Variants in DMTN observed in about 807,000 individuals in gnomAD.
The protein encoded by DMTN is dematin actin binding protein.
A neutral mutation model predicts 59.4 loss-of-function variants in DMTN; 27 were observed. The ratio of observed to expected loss-of-function variants is 0.45; its 90% CI spans 0.33 to 0.63. The LOEUF (loss-of-function observed/expected upper bound fraction) is 0.63. Ranked by LOEUF, DMTN falls within the 20% of genes least tolerant of loss-of-function variation. The probability of loss-of-function intolerance (pLI) is 0.02; values close to 1 mark genes in which losing one functional copy is unlikely to be tolerated. For synonymous variants in DMTN, 221 were observed against 203.7 expected (o/e 1.08, Z -0.72); for missense variants, 451 against 528.9 (o/e 0.85, Z 1.45).
rs540139056 is a variant in DMTN at position 22,069,346 on chromosome 8, T to C, written c.295-73T>C. 1.5e-4 allele frequency: 186 copies of C among 1,279,746 alleles called. 2 individuals carry two copies. In the East Asian group the frequency reaches 4.4e-3, roughly 30 times the overall value. The allele number at this position is 1,279,746 out of a possible 1,614,324, so 79.3% of individuals were successfully genotyped here. A position where few individuals can be genotyped will look rare whatever the true frequency, so the allele number is the denominator to read the frequency against. ...CAGGATGGGAGGACAGAGAGGGTGG[T>C]GTGAGCTGATGGGGTGCATGTGTGG... On this transcript the variant is annotated intron_variant, in intron 5 of 15. Transcript: ENST00000358242.
rs779628597 is a variant in DMTN, at chr8:22,080,813, G to C, written c.966G>C (p.Glu322Asp). ...GGCTTTGGTCTCCCCAGAACGGAGA[G>C]GGCCAGAGGGGGAGGATGGACCGGG... Reference protein sequence around the residue: ...ETGSPGLQNGEGQRGRMDRGN... With the variant: ...ETGSPGLQNGDGQRGRMDRGN... Residue 322 changes from glutamate (E) to aspartate (D), a missense_variant, in exon 14 of 16, where the codon GAG (glutamate) becomes GAC (aspartate). Coordinates refer to ENST00000358242, the MANE Select transcript of DMTN (RefSeq NM_001387751.1). The C allele has an allele frequency of 6.2e-7, 1 of 1,603,530 alleles. No individual in the cohort carries two copies. Among genetic ancestry groups the C allele is most frequent in the South Asian group, 1.1e-5 (1 of 90,064 alleles).
In DMTN at chr8:22,081,673, GC is replaced by G; in HGVS notation, c.*213del. Reference sequence around the variant, plus strand: ...TGGGGGCCTCCTGCTCTCGTCCCTGGCCCTCCCTGCACAGGGCAAAGCCAGT... The same window carrying G: ...TGGGGGCCTCCTGCTCTCGTCCCTGGCCTCCCTGCACAGGGCAAAGCCAGT... On this transcript the variant is annotated 3_prime_UTR_variant, in exon 16 of 16. Coordinates refer to ENST00000358242, the MANE Select transcript of DMTN (RefSeq NM_001387751.1). 1.7e-6 allele frequency: 1 copy of G among 600,194 alleles called. No homozygotes were observed. Among genetic ancestry groups the G allele is most frequent in the Non-Finnish European group, 3.0e-6 (1 of 334,924 alleles). The allele number at this position is 600,194 out of a possible 1,614,324, so 37.2% of individuals were successfully genotyped here. A position where few individuals can be genotyped will look rare whatever the true frequency, so the allele number is the denominator to read the frequency against.
intron 1 of DMTN, among the ~76,000 whole-genome samples, chr8:22,065,856 A>G (rs1340045353): frequency 2.3e-5 from 2 of 86,500 alleles, no homozygotes; most frequent in Non-Finnish European, 4.4e-5. Context: ...TTTTTTTTTT[A>G]ACGAGGCAGG....
At chr8:22,062,934 TCTGA>T (rs1187613823) in intron 1 of DMTN, among the ~76,000 whole-genome samples, 3 of 133,342 alleles carry the variant, frequency 2.2e-5, no homozygotes, top group African/African-American at 1.0e-4. Flanking sequence ...TTTTCCTCTC[TCTGA>T]CTGTGCCATC....
rs1258249564 is a variant in DMTN at position 22,066,732 on chromosome 8, GACGCGCCAGCCCGGGGGA to G, written c.-133_-116del. On this transcript the variant is annotated 5_prime_UTR_variant, in exon 2 of 16. Transcript: ENST00000358242. ...TGGAGAGTCACCGCCGAGGGATGAGGACGCGCCAGCCCGGGGGAACGCGCCAGCTGCTTTCGCGGCCCC... is the reference window on the plus strand; with the variant it reads ...TGGAGAGTCACCGCCGAGGGATGAGGACGCGCCAGCTGCTTTCGCGGCCCC... The G allele has an allele frequency of 2.2e-6, 2 of 909,214 alleles. No individual in the cohort carries two copies. The highest frequency in any genetic ancestry group is 2.5e-5 in the South Asian group (1 of 39,298). The allele number at this position is 909,214 out of a possible 1,614,324, so 56.3% of individuals were successfully genotyped here. A position where few individuals can be genotyped will look rare whatever the true frequency, so the allele number is the denominator to read the frequency against.
intron 5 of DMTN, 152 bp downstream of exon 5, chr8:22,069,212 A>T: frequency 1.0e-6 from 1 of 992,086 alleles, no homozygotes; most frequent in Non-Finnish European, 1.5e-6. Flanking sequence ...TGTGTCCATC[A>T]TTCTGTCGGA....
chr8:22,078,798 G>GTTTTGTTT (rs1554561315), intron 10 of DMTN, among the ~76,000 whole-genome samples: 20 of 85,090 alleles, frequency 2.4e-4, no homozygotes, highest in African/African-American at 8.2e-4. Context: ...ATGTCAGACT[G>GTTTTGTTT]TTTTTTTTTT....
At position 22,079,273 on chromosome 8, in the gene DMTN, A is replaced by ATATATATAT. The variant is rs1554562329; in HGVS notation, c.836-907_836-906insTATATATAT. ...AAAAATAAAAATAAATAAATAAATA[A>ATATATATAT]ATAAATATATATATATATATATATA... On this transcript the variant is annotated intron_variant, in intron 10 of 15. Coordinates refer to ENST00000358242, the MANE Select transcript of DMTN (RefSeq NM_001387751.1). Among the ~76,000 whole-genome samples, 132 of 28,500 alleles carry ATATATATAT rather than the reference A, an allele frequency of 4.6e-3. 1 individual carries two copies. Among genetic ancestry groups the ATATATATAT allele is most frequent in the African/African-American group, 0.012 (118 of 9,942 alleles). The allele number at this position is 28,500 out of a possible 152,430, so 18.7% of individuals were successfully genotyped here.
intron 1 of DMTN, 29 bp from the exon 2 acceptor site, chr8:22,066,676 G>A (rs1411144745): frequency 2.2e-6 from 1 of 464,878 alleles, no homozygotes; most frequent in Admixed American, 4.8e-5. Flanking sequence ...ACGCCGCCCC[G>A]GCGCGGCCTC....
intron 1 of DMTN, chr8:22,066,456 G>C (rs1238286791): frequency 6.5e-6 from 1 of 154,174 alleles, no homozygotes; most frequent in African/African-American, 2.4e-5. Flanking sequence ...GGCGGGGCCA[G>C]GCCGTGGAGG....
intron 10 of DMTN, among the ~76,000 whole-genome samples, chr8:22,078,786 T>A (rs1279685402): frequency 7.3e-6 from 1 of 136,752 alleles, no homozygotes; most frequent in Non-Finnish European, 1.5e-5. Context: ...TTCTGTAGTA[T>A]AATGTCAGAC....
upstream of DMTN, among the ~76,000 whole-genome samples, chr8:22,054,437 C>T (rs142320808): frequency 2.1e-4 from 32 of 152,256 alleles, no homozygotes; most frequent in African/African-American, 6.0e-4. Context: ...CTCACAGAGA[C>T]GGCAGAGGTG....
rs1410764653 is a variant in DMTN, at chr8:22,060,731, T to A, written c.-172+3595T>A. ...TAAAGCGCAAGACCCAGCAGTGGGG[T>A]TGTGGGCAGGAAGGGACTGGAGACA... On this transcript the variant is annotated intron_variant, in intron 1 of 15. Transcript: ENST00000358242. The surrounding 1 kb of genome is among the most constrained non-coding windows in gnomAD (Gnocchi z 5.0). 6.6e-6 allele frequency among the ~76,000 whole-genome samples: 1 copy of A among 151,730 alleles called. No homozygotes were observed. The highest frequency in any genetic ancestry group is 2.4e-5 in the African/African-American group (1 of 41,252).
In DMTN at chr8:22,069,810, T is replaced by A. The variant is rs1049967790; in HGVS notation, c.395-71T>A. The A allele has an allele frequency of 8.4e-6, 13 of 1,550,398 alleles. No homozygotes were observed. The East Asian group carries it at 2.5e-4, about 29-fold the overall frequency. On this transcript the variant is annotated intron_variant, in intron 6 of 15. Transcript: ENST00000358242. ...TTCCCCACCTTGTCCCGTTCCATCA[T>A]CTCCATTCTCCTGGCCCCAGCCTCC...
chr8:22,080,989 TGGG>T, intron 14 of DMTN, 119 bp downstream of exon 14: 1 of 1,481,288 alleles, frequency 6.8e-7, no homozygotes, highest in Non-Finnish European at 9.2e-7. Flanking sequence ...GCAGGGAAGT[TGGG>T]GGAGACAGAG....
In DMTN at chr8:22,069,047, C is replaced by T. The variant is rs200453963; in HGVS notation, c.281C>T (p.Pro94Leu). 1.2e-6 allele frequency: 2 copies of T among 1,612,570 alleles called. No homozygotes were observed. The highest frequency in any genetic ancestry group is 3.3e-5 in the Admixed American group (2 of 59,866). The change falls in exon 5 of 16, where the codon CCA becomes CTA. Residue 94 changes from proline to leucine, a missense_variant. Coordinates refer to ENST00000358242, the MANE Select transcript of DMTN (RefSeq NM_001387751.1). The part of the protein sequence containing the change: ...RSLSPKSTSP[P>L]PSPEVWADSR... ...CTGTCACCCAAATCCACATCCCCCC[C>T]ACCATCCCCAGAGGTGAGTCTGCCC...
upstream of DMTN, among the ~76,000 whole-genome samples, chr8:22,049,628 G>A (rs1801140483): frequency 6.8e-6 from 1 of 146,794 alleles, no homozygotes; most frequent in African/African-American, 2.5e-5. Flanking sequence ...CTCAGTGAGC[G>A]CTCTCTTCTG....
At position 22,074,125 on chromosome 8, in the gene DMTN, G is replaced by A. The variant is rs189970812; in HGVS notation, c.835+290G>A. Among the ~76,000 whole-genome samples, 127 of 152,366 alleles carry A rather than the reference G, an allele frequency of 8.3e-4. 4 individuals carry two copies. Among genetic ancestry groups the A allele is most frequent in the Non-Finnish European group, 2.8e-4 (19 of 68,046 alleles). On this transcript the variant is annotated intron_variant, in intron 10 of 15. Coordinates refer to ENST00000358242, the MANE Select transcript of DMTN (RefSeq NM_001387751.1). ...AAAAATCTAGTCTTGTCCTCTGGTA[G>A]CTTGCTGTTGGCGGGGAAACTGTCA...
At chr8:22,073,179 G>T (rs1817060406) in intron 9 of DMTN, among the ~76,000 whole-genome samples, 1 of 152,184 alleles carries the variant, frequency 6.6e-6, no homozygotes, top group Admixed American at 6.5e-5. Flanking sequence ...AAGCAGCGCT[G>T]ACTCCTGGCT....
Sources: allele counts gnomAD v4.1 joint callset (sites outside exome capture counted in the v4.1 genomes callset), GRCh38; gene constraint gnomAD v4.1.1; non-coding constraint Gnocchi (gnomAD v3.1); transcripts MANE v1.5; gene names NCBI Gene and HGNC (gene_info 2026-07-23, HGNC 2026-07-21).